Variants in DUSP11 observed in about 807,000 individuals in gnomAD.
The protein encoded by DUSP11 is dual specificity phosphatase 11.
In DUSP11, 27 loss-of-function variants were observed where a neutral mutation model predicts 41.4. The ratio of observed to expected loss-of-function variants is 0.65; its 90% CI spans 0.48 to 0.90. The LOEUF (loss-of-function observed/expected upper bound fraction) is 0.90. Among genes scored for constraint, DUSP11 ranks in the 40% least tolerant of loss-of-function variants. The pLI, the probability that DUSP11 is intolerant of heterozygous loss-of-function variation, is 0.00. For missense variants in DUSP11, 465 were observed against 461.1 expected, an observed-to-expected ratio of 1.01 and a Z score of -0.08; for synonymous variants, 188 against 159.3, an observed-to-expected ratio of 1.18 and a Z score of -1.35.
At chr2:73,775,657 C>T (rs1371986610) in intron 2 of DUSP11, among the ~76,000 whole-genome samples, 1 of 150,516 alleles carries the variant, frequency 6.6e-6, no homozygotes, top group Admixed American at 6.6e-5. Context: ...AGATCGAGAC[C>T]ATCCTGGCTA....
chr2:73,769,401 G>T, intron 4 of DUSP11, 76 bp from the exon 5 acceptor site: 1 of 1,071,444 alleles, frequency 9.3e-7, no homozygotes, highest in Non-Finnish European at 1.4e-6. Flanking sequence ...CCCTGAAAAT[G>T]AATAACTCTT....
At chr2:73,764,279 A>T (rs58974316) in intron 8 of DUSP11, among the ~76,000 whole-genome samples, 2,410 of 152,178 alleles carry the variant, frequency 0.016, 80 homozygotes, top group African/African-American at 0.054. Flanking sequence ...TAAAAATGTC[A>T]ATTTTTTTAA....
intron 2 of DUSP11, among the ~76,000 whole-genome samples, chr2:73,777,085 A>T (rs1177406944): frequency 1.3e-5 from 2 of 152,036 alleles, no homozygotes; most frequent in Non-Finnish European, 2.9e-5. Context: ...GGTTCAATCG[A>T]TCCTCCCACT....
chr2:73,764,972 A>G lies in DUSP11; in HGVS notation c.935+1446T>C, dbSNP rs189980260. Among the ~76,000 whole-genome samples the G allele has an allele frequency of 4.3e-3, 655 of 152,344 alleles. 7 individuals carry two copies. Among genetic ancestry groups the G allele is most frequent in the African/African-American group, 0.015 (629 of 41,576 alleles). ...CAGGGTGAGACTCTGTCACCAAAAA[A>G]AAAGCAAACAAAACTGTTGCTAAAT... On this transcript the variant is annotated intron_variant, in intron 8 of 8. Coordinates refer to ENST00000272444, the Ensembl canonical transcript of DUSP11.
intron 8 of DUSP11, among the ~76,000 whole-genome samples, chr2:73,763,263 T>C (rs1488065811): frequency 6.6e-6 from 1 of 152,212 alleles, no homozygotes; most frequent in Non-Finnish European, 1.5e-5. Context: ...AATAAGCTAG[T>C]TAGTACTGAG....
At chr2:73,779,060 A>T (rs1422498056) in intron 1 of DUSP11, among the ~76,000 whole-genome samples, 1 of 152,190 alleles carries the variant, frequency 6.6e-6, no homozygotes, top group Non-Finnish European at 1.5e-5. Flanking sequence ...CTGAGGGAGG[A>T]GAATCGCTTG....
exon 1 of DUSP11, chr2:73,780,147 G>C: frequency 1.3e-6 from 2 of 1,551,228 alleles, no homozygotes; most frequent in Non-Finnish European, 1.7e-6. Context: ...GCGTAGCCAC[G>C]CTGGCTTACT....
At chr2:73,765,646 T>C (rs1486249565) in intron 8 of DUSP11, among the ~76,000 whole-genome samples, 1 of 152,236 alleles carries the variant, frequency 6.6e-6, no homozygotes, top group African/African-American at 2.4e-5. Context: ...CATACTAATG[T>C]ACCACTTTAA....
chr2:73,773,886 G>A (rs1299992754), exon 4 of DUSP11: 1 of 1,602,976 alleles, frequency 6.2e-7, no homozygotes, highest in East Asian at 2.2e-5. Context: ...ATGTCCAACT[G>A]TAAAAATTTT....
rs1165214346 is a variant in DUSP11, at chr2:73,773,928, A to T, written c.451-5T>A. 2 of 1,575,386 alleles carry T rather than the reference A, an allele frequency of 1.3e-6. No homozygotes were observed. Among genetic ancestry groups the T allele is most frequent in the Non-Finnish European group, 1.7e-6 (2 of 1,156,630 alleles). ...AGGAACAGTTTCTGGCAAATCCTATAAAGCAAAACCATAAAAGATGTGTAT... is the reference window on the plus strand; with the variant it reads ...AGGAACAGTTTCTGGCAAATCCTATTAAGCAAAACCATAAAAGATGTGTAT... On this transcript the variant is annotated splice_region_variant and splice_polypyrimidine_tract_variant and intron_variant, in intron 3 of 8. Coordinates refer to ENST00000272444, the Ensembl canonical transcript of DUSP11.
At chr2:73,770,555 C>T (rs1166977996) in intron 4 of DUSP11, among the ~76,000 whole-genome samples, 1 of 151,710 alleles carries the variant, frequency 6.6e-6, no homozygotes, top group African/African-American at 2.4e-5. Context: ...CACTCATCAT[C>T]GCCAGCCTGG....
At chr2:73,779,577 G>A (rs1402778798) in intron 1 of DUSP11, 3 of 415,352 alleles carry the variant, frequency 7.2e-6, no homozygotes, top group Non-Finnish European at 4.4e-6. Context: ...TTCCATTTTG[G>A]GAATTAAGGA....
intron 1 of DUSP11, 72 bp downstream of exon 1, chr2:73,779,802 C>T (rs1167367746): frequency 6.3e-7 from 1 of 1,592,316 alleles, no homozygotes; most frequent in African/African-American, 1.3e-5. Context: ...GAGGCAGAGA[C>T]CACAAACGAT....
intron 2 of DUSP11, among the ~76,000 whole-genome samples, chr2:73,776,422 A>AAG (rs1238741249): frequency 1.3e-5 from 2 of 151,588 alleles, no homozygotes; most frequent in African/African-American, 2.4e-5. Context: ...TCAAAAAAAA[A>AAG]AAAAAAAAAA....
chr2:73,769,875 T>A (rs1672538873), intron 4 of DUSP11, among the ~76,000 whole-genome samples: 1 of 152,208 alleles, frequency 6.6e-6, no homozygotes, highest in Non-Finnish European at 1.5e-5. Context: ...GAGATGTAAG[T>A]CAAAGCAGGC....
Position 73,774,324 on chromosome 2 carries a change from G to A in DUSP11, c.451-401C>T, listed in dbSNP as rs1672639482. Among the ~76,000 whole-genome samples, 3 of 152,082 alleles carry A rather than the reference G, an allele frequency of 2.0e-5. No individual in the cohort carries two copies. In the South Asian group the frequency reaches 6.2e-4, roughly 32 times the overall value. On this transcript the variant is annotated intron_variant, in intron 3 of 8. Coordinates refer to ENST00000272444, the Ensembl canonical transcript of DUSP11. Reference sequence around the variant, plus strand: ...CTTGGATTTGAATTGTGAGATAGAGGGAATTCCAGGCACTATTGAGAACCG... The same window carrying A: ...CTTGGATTTGAATTGTGAGATAGAGAGAATTCCAGGCACTATTGAGAACCG...
rs979346257 is a variant in DUSP11, at chr2:73,778,249, C to A, written c.318+52G>T. ...ATGTGATAGAGTGGAGAGCAGTGTT[C>A]TGCATGGTGAACTCAGATGCCTGAA... On this transcript the variant is annotated intron_variant, in intron 2 of 8. Transcript: ENST00000272444. 3.2e-6 allele frequency: 4 copies of A among 1,243,896 alleles called. No homozygotes were observed. The African/African-American group carries it at 4.6e-5, about 14-fold the overall frequency. 77.1% of individuals were successfully genotyped at this position (1,243,896 alleles called of 1,614,324 possible).
exon 8 of DUSP11, chr2:73,766,473 G>C: frequency 6.2e-7 from 1 of 1,614,030 alleles, no homozygotes; most frequent in African/African-American, 1.3e-5. Context: ...GGAGCTGAGT[G>C]ACCCTGGATC....
chr2:73,769,243 G>A (rs759053463), intron 5 of DUSP11, 22 bp downstream of exon 5: 19 of 1,603,080 alleles, frequency 1.2e-5, no homozygotes, highest in Non-Finnish European at 1.3e-5. Context: ...AAAATGGTCT[G>A]CCTCTGGGGT....
Sources: allele counts gnomAD v4.1 joint callset (sites outside exome capture counted in the v4.1 genomes callset), GRCh38; gene constraint gnomAD v4.1.1; transcripts MANE v1.5; gene names NCBI Gene and HGNC (gene_info 2026-07-23, HGNC 2026-07-21).